IP6K3: variants seen among roughly 807,000 people sequenced by gnomAD.
IP6K3 encodes the protein inositol hexakisphosphate kinase 3.
IP6K3 carries 20 observed loss-of-function variants against 28.8 expected under a neutral mutation model. That is an observed-to-expected ratio of 0.70 (90% CI 0.49 to 1.01). The LOEUF (loss-of-function observed/expected upper bound fraction) is 1.01. Ranked by LOEUF, IP6K3 falls within the 50% of genes least tolerant of loss-of-function variation. The pLI is 0.00. For synonymous variants in IP6K3, 213 were observed against 221.3 expected (o/e 0.96, Z 0.33); for missense variants, 480 against 537.1 (o/e 0.89, Z 1.05).
chr6:33,728,362 C>G, intron 2 of IP6K3, 62 bp from the exon 3 acceptor site: 1 of 1,478,138 alleles, frequency 6.8e-7, no homozygotes. Flanking sequence ...CACGGACATG[C>G]AGGAGTGATG....
rs373750496 is a variant in IP6K3, at chr6:33,725,203, T to C, written c.765+238A>G. On this transcript the variant is annotated intron_variant, in intron 5 of 5. Transcript: ENST00000293756. ...GAGATTGTGCCACTGCACTCCAGCC[T>C]GGGCGACAGAGCAAGACTCCGTCTC... 1.1e-4 allele frequency among the ~76,000 whole-genome samples: 15 copies of C among 138,338 alleles called. No individual in the cohort carries two copies. In the East Asian group the frequency reaches 1.7e-3, roughly 15 times the overall value. The allele number at this position is 138,338 out of a possible 152,430, so 90.8% of individuals were successfully genotyped here.
intron 2 of IP6K3, among the ~76,000 whole-genome samples, chr6:33,734,774 C>T (rs1045998918): frequency 1.3e-5 from 2 of 152,248 alleles, no homozygotes; most frequent in Non-Finnish European, 2.9e-5. Context: ...AGCGGCAGCC[C>T]GTATCCCTGG....
chr6:33,740,927 T>C (rs1011400273), intron 1 of IP6K3, among the ~76,000 whole-genome samples: 3 of 152,234 alleles, frequency 2.0e-5, no homozygotes, highest in African/African-American at 7.2e-5. Flanking sequence ...GCTTCTTATA[T>C]CCGCAAACAG....
At chr6:33,723,844 T>C in intron 5 of IP6K3, among the ~76,000 whole-genome samples, 1 of 152,336 alleles carries the variant, frequency 6.6e-6, no homozygotes, top group East Asian at 1.9e-4. Context: ...CTTGGCACCA[T>C]CTCTCCTCCC....
chr6:33,755,186 A>G, the IP6K3 span, among the ~76,000 whole-genome samples: 1 of 152,218 alleles, frequency 6.6e-6, no homozygotes, highest in African/African-American at 2.4e-5. Flanking sequence ...CTGTGCCCCA[A>G]CTGCCTGCAC....
rs1229579140 is a variant in IP6K3 at position 33,735,527 on chromosome 6, G to T, written c.-51C>A. ...TCCCTGCACAGTCTGCTAGAGGAAGGTTTGAAGTAGAAAGGGCAGCTCCCA... is the reference window on the plus strand; with the variant it reads ...TCCCTGCACAGTCTGCTAGAGGAAGTTTTGAAGTAGAAAGGGCAGCTCCCA... On this transcript the variant is annotated 5_prime_UTR_variant, in exon 2 of 6. Transcript: ENST00000293756. 1.3e-6 allele frequency: 2 copies of T among 1,585,364 alleles called. No individual in the cohort carries two copies. The highest frequency in any genetic ancestry group is 1.3e-5 in the African/African-American group (1 of 74,660).
chr6:33,756,997 G>A, the IP6K3 span, among the ~76,000 whole-genome samples: 4 of 152,212 alleles, frequency 2.6e-5, no homozygotes, highest in African/African-American at 9.6e-5. Context: ...ATCTGTCCTG[G>A]TCTTCACTGC....
intron 2 of IP6K3, among the ~76,000 whole-genome samples, chr6:33,734,321 G>A (rs985799032): frequency 9.2e-5 from 14 of 152,082 alleles, no homozygotes; most frequent in South Asian, 2.1e-4. Flanking sequence ...GCACATACAC[G>A]CCGGATTCTA....
chr6:33,755,705 T>C, the IP6K3 span, among the ~76,000 whole-genome samples: 1 of 152,224 alleles, frequency 6.6e-6, no homozygotes, highest in African/African-American at 2.4e-5. Context: ...TGTGAGGCTC[T>C]GGGGAGACAT....
At chr6:33,745,717 A>G (rs188566845) in intron 1 of IP6K3, among the ~76,000 whole-genome samples, 9 of 152,324 alleles carry the variant, frequency 5.9e-5, no homozygotes, top group African/African-American at 1.9e-4. Context: ...GACAGGATGC[A>G]GACGCTCATG....
chr6:33,744,689 G>GTTTGCCTGGC lies in IP6K3; in HGVS notation c.-180+2059_-180+2068dup, dbSNP rs1766844101. On this transcript the variant is annotated intron_variant, in intron 1 of 5. Transcript: ENST00000293756. This position sits in a 1 kb window ranked among gnomAD's most constrained non-coding sequence, Gnocchi z 4.4. ...GGACACATTCTTGGAACTGCCCTAG[G>GTTTGCCTGGC]TTTGCCTGGCTTTGCCCAGACCTGT... Among the ~76,000 whole-genome samples, 1 of 152,202 alleles carries GTTTGCCTGGC rather than the reference G, an allele frequency of 6.6e-6. No individual in the cohort carries two copies. Among genetic ancestry groups the GTTTGCCTGGC allele is most frequent in the Non-Finnish European group, 1.5e-5 (1 of 68,038 alleles).
chr6:33,726,684 T>C, intron 4 of IP6K3, 47 bp downstream of exon 4: 1 of 1,511,940 alleles, frequency 6.6e-7, no homozygotes, highest in Non-Finnish European at 9.0e-7. Flanking sequence ...TGTGTCTCTC[T>C]GTCGCCCCGC....
intron 3 of IP6K3, 94 bp downstream of exon 3, chr6:33,727,993 C>T: frequency 1.3e-6 from 2 of 1,528,450 alleles, no homozygotes; most frequent in Non-Finnish European, 1.7e-6. Flanking sequence ...CAGCACCAGC[C>T]TTAATAGGGA....
chr6:33,759,514 G>A, the IP6K3 span, among the ~76,000 whole-genome samples: 782 of 152,314 alleles, frequency 5.1e-3, 19 homozygotes, highest in East Asian at 0.043. Context: ...ACAGGCGTGA[G>A]TCACTGTGCC....
At chr6:33,749,368 G>A (rs556057938), upstream of IP6K3, among the ~76,000 whole-genome samples, 1 of 152,142 alleles carries the variant, frequency 6.6e-6, no homozygotes, top group Middle Eastern at 3.4e-3. Context: ...GGGCCCCACC[G>A]TCCAGAACTG....
the IP6K3 span, among the ~76,000 whole-genome samples, chr6:33,758,395 G>A: frequency 6.6e-6 from 1 of 152,042 alleles, no homozygotes; most frequent in Non-Finnish European, 1.5e-5. Flanking sequence ...GCCAGGTGTG[G>A]TGGCACGTGC....
chr6:33,759,695 C>T, the IP6K3 span, among the ~76,000 whole-genome samples: 1 of 152,180 alleles, frequency 6.6e-6, no homozygotes, highest in Non-Finnish European at 1.5e-5. Context: ...AACCCCGTCT[C>T]TACTAAAAAT....
intron 1 of IP6K3, among the ~76,000 whole-genome samples, chr6:33,736,827 T>C (rs1458545325): frequency 6.6e-6 from 1 of 152,100 alleles, no homozygotes; most frequent in Admixed American, 6.5e-5. Flanking sequence ...AATTTCTCCT[T>C]CTCCCTCTGT....
At position 33,728,242 on chromosome 6, in the gene IP6K3, G is replaced by C. The variant is rs370358888; in HGVS notation, c.258C>G (p.Asn86Lys). 21 of 1,614,194 alleles carry C rather than the reference G, an allele frequency of 1.3e-5. No homozygotes were observed. The highest frequency in any genetic ancestry group is 1.5e-5 in the Non-Finnish European group (18 of 1,180,052). The change falls in exon 3 of 6, where the codon AAC (asparagine) becomes AAG (lysine). Residue 86 changes from asparagine to lysine, a missense_variant. Coordinates refer to ENST00000293756, the MANE Select transcript of IP6K3 (RefSeq NM_054111.5). The stretch of plus-strand genomic sequence containing the variant: ...AGGGCTCCTGGCTCTCCTTCACTGG[G>C]TTGGCAACCAAGCTGAGATGGCCTG... ...DSTGHLSLVA[N>K]PVKESQEPFK...
Sources: gnomAD v4.1 joint callset for allele counts (sites outside exome capture counted in the v4.1 genomes callset) on GRCh38, gnomAD v4.1.1 for gene constraint, Gnocchi (gnomAD v3.1) non-coding constraint, MANE v1.5 for transcripts, NCBI Gene and HGNC (gene_info 2026-07-23, HGNC 2026-07-21) for gene names.